Variants in COL21A1 observed in about 807,000 individuals in gnomAD.
COL21A1 encodes the protein collagen type XXI alpha 1 chain.
Under a neutral mutation model 137.9 loss-of-function variants are expected in COL21A1, and 149 were observed. That is an observed-to-expected ratio of 1.08 (90% CI 0.95 to 1.24). The LOEUF is 1.24. Ranked by LOEUF, COL21A1 falls within the 50% of genes most tolerant of loss-of-function variation. The probability of loss-of-function intolerance (pLI) is 0.00; values close to 1 mark genes in which losing one functional copy is unlikely to be tolerated. For synonymous variants in COL21A1, 456 were observed against 391.5 expected (o/e 1.16, Z -1.95); for missense variants, 1,167 against 1,158.4 (o/e 1.01, Z -0.11).
intron 1 of COL21A1, among the ~76,000 whole-genome samples, chr6:56,197,085 T>G (rs1186376945): frequency 6.6e-6 from 1 of 151,914 alleles, no homozygotes; most frequent in Non-Finnish European, 1.5e-5. Flanking sequence ...CACGCATATA[T>G]AGTTAACTAA....
At chr6:56,291,702 T>C (rs4712122) in intron 1 of COL21A1, among the ~76,000 whole-genome samples, 113,044 of 152,172 alleles carry the variant, frequency 0.74, 43,120 homozygotes, top group South Asian at 0.86. Flanking sequence ...TTCTTACATG[T>C]ACTATACTGT....
chr6:56,365,148 A>G (rs1269061240), intron 1 of COL21A1, among the ~76,000 whole-genome samples: 2 of 152,188 alleles, frequency 1.3e-5, no homozygotes, highest in African/African-American at 4.8e-5. Flanking sequence ...AATAAAAACA[A>G]TTACAGCTCA....
chr6:56,334,085 G>A (rs994605919), intron 1 of COL21A1, among the ~76,000 whole-genome samples: 1 of 152,060 alleles, frequency 6.6e-6, no homozygotes, highest in African/African-American at 2.4e-5. Flanking sequence ...TATAGAAAGA[G>A]GGAATAGATA....
At chr6:56,198,705 T>C (rs1779191388) in intron 1 of COL21A1, among the ~76,000 whole-genome samples, 1 of 152,152 alleles carries the variant, frequency 6.6e-6, no homozygotes, top group Non-Finnish European at 1.5e-5. Context: ...CTATTTCACA[T>C]GTCATTTGGA....
At chr6:56,300,318 T>C (rs1025749546) in intron 1 of COL21A1, among the ~76,000 whole-genome samples, 6 of 152,054 alleles carry the variant, frequency 3.9e-5, no homozygotes, top group African/African-American at 1.4e-4. Context: ...AGTCATGGGA[T>C]GATAGTTGCT....
chr6:56,393,238 T>C (rs903402975), intron 1 of COL21A1, among the ~76,000 whole-genome samples: 2 of 151,970 alleles, frequency 1.3e-5, no homozygotes, highest in Admixed American at 6.6e-5. Flanking sequence ...GCCAAGAATA[T>C]AATTGGGGAA....
intron 1 of COL21A1, among the ~76,000 whole-genome samples, chr6:56,266,103 A>T (rs1763385718): frequency 6.6e-6 from 1 of 152,210 alleles, no homozygotes; most frequent in Admixed American, 6.5e-5. Context: ...ATGCTAACAC[A>T]ATTATGACTT....
chr6:56,240,972 C>CT (rs1214450109), intron 1 of COL21A1, among the ~76,000 whole-genome samples: 1 of 152,172 alleles, frequency 6.6e-6, no homozygotes, highest in African/African-American at 2.4e-5. Context: ...AGTGCCTCTG[C>CT]TTCCATTAAG....
intron 10 of COL21A1, among the ~76,000 whole-genome samples, chr6:56,149,907 T>C (rs552346814): frequency 6.6e-6 from 1 of 152,286 alleles, no homozygotes; most frequent in Non-Finnish European, 1.5e-5. Flanking sequence ...TAATTTCTTT[T>C]AAAAATAAGT....
intron 16 of COL21A1, among the ~76,000 whole-genome samples, chr6:56,114,825 A>G (rs1158205860): frequency 1.4e-5 from 2 of 147,088 alleles, no homozygotes; most frequent in African/African-American, 2.5e-5. Context: ...ATTACTGGGT[A>G]TATACCCAAA....
intron 1 of COL21A1, among the ~76,000 whole-genome samples, chr6:56,325,999 T>TTATATATTATATAATATATATG (rs1765078901): frequency 4.9e-4 from 1 of 2,028 alleles, no homozygotes; most frequent in Non-Finnish European, 1.1e-3. Flanking sequence ...TGTATATACA[T>TTATATATTATATAATATATATG]ACATATATTA....
At chr6:56,324,375 C>T (rs1562055658) in intron 1 of COL21A1, among the ~76,000 whole-genome samples, 2 of 152,076 alleles carry the variant, frequency 1.3e-5, no homozygotes, top group African/African-American at 2.4e-5. Flanking sequence ...GGTCTCCAGC[C>T]ACCACAGGCA....
chr6:56,098,034 AATATATAAAT>A (rs1262956804), intron 17 of COL21A1, among the ~76,000 whole-genome samples: 22 of 30,006 alleles, frequency 7.3e-4, no homozygotes, highest in South Asian at 3.6e-3. Context: ...TATATATGTA[AATATATAAAT>A]ATATATAAAT....
At chr6:56,067,065 CTT>C (rs916028955) in intron 23 of COL21A1, among the ~76,000 whole-genome samples, 1 of 149,946 alleles carries the variant, frequency 6.7e-6, no homozygotes, top group Non-Finnish European at 1.5e-5. Context: ...AAATTTATGT[CTT>C]TATTTTGTTG....
chr6:56,087,355 G>A (rs1021743167), intron 17 of COL21A1, among the ~76,000 whole-genome samples: 6 of 151,930 alleles, frequency 3.9e-5, no homozygotes, highest in Non-Finnish European at 7.4e-5. Flanking sequence ...AGCTTTAAAG[G>A]TCCTCCTTAT....
At chr6:56,244,028 T>C (rs931807351) in intron 1 of COL21A1, among the ~76,000 whole-genome samples, 2 of 152,204 alleles carry the variant, frequency 1.3e-5, no homozygotes, top group African/African-American at 2.4e-5. Flanking sequence ...TTTCCTGTGA[T>C]AGGCCTTACT....
chr6:56,284,843 C>T (rs181421055), intron 1 of COL21A1, among the ~76,000 whole-genome samples: 1 of 152,276 alleles, frequency 6.6e-6, no homozygotes, highest in East Asian at 1.9e-4. Context: ...CCAAAATGTG[C>T]TTTGCTTTTC....
chr6:56,077,185 A>G (rs1767314603), intron 18 of COL21A1, among the ~76,000 whole-genome samples: 1 of 151,422 alleles, frequency 6.6e-6, no homozygotes, highest in African/African-American at 2.4e-5. Flanking sequence ...ATAAAAACTG[A>G]AAGTTTATTA....
upstream of COL21A1, among the ~76,000 whole-genome samples, chr6:56,251,852 T>C (rs989695986): frequency 3.3e-5 from 5 of 152,212 alleles, no homozygotes; most frequent in African/African-American, 1.2e-4. Context: ...CCTATGTAAA[T>C]GCAAAACTTA....
Sources: gnomAD v4.1 joint callset for allele counts (sites outside exome capture counted in the v4.1 genomes callset) on GRCh38, gnomAD v4.1.1 for gene constraint, MANE v1.5 for transcripts, NCBI Gene and HGNC (gene_info 2026-07-23, HGNC 2026-07-21) for gene names.